Variants in ENDOV observed in about 807,000 individuals in gnomAD.
The protein encoded by ENDOV is endonuclease V, also known as hEndoV.
ENDOV carries 37 observed loss-of-function variants against 39.4 expected under a neutral mutation model. That is an observed-to-expected ratio of 0.94 (90% CI 0.72 to 1.23). ENDOV has a LOEUF of 1.23. Among genes scored for constraint, ENDOV ranks in the 50% most tolerant of loss-of-function variants. The pLI, the probability that ENDOV is intolerant of heterozygous loss-of-function variation, is 0.00. For missense variants in ENDOV, 441 were observed against 375.7 expected, an observed-to-expected ratio of 1.17 and a Z score of -1.44; for synonymous variants, 186 against 163.4, an observed-to-expected ratio of 1.14 and a Z score of -1.05.
chr17:80,433,298 A>T (rs527647184), intron 9 of ENDOV: 5 of 495,166 alleles, frequency 1.0e-5, no homozygotes, highest in Non-Finnish European at 2.0e-5. Context: ...GTAAGGGCTC[A>T]GCAGGGAGCC....
chr17:80,423,203 C>G (rs774485839), intron 4 of ENDOV, among the ~76,000 whole-genome samples: 1 of 152,164 alleles, frequency 6.6e-6, no homozygotes, highest in Non-Finnish European at 1.5e-5. Context: ...AGGCCACCGT[C>G]GAGGGAAGAG....
intron 9 of ENDOV, chr17:80,430,268 C>A (rs2083246111): frequency 6.7e-7 from 1 of 1,483,302 alleles, no homozygotes; most frequent in African/African-American, 1.4e-5. Flanking sequence ...GGACTCGGAG[C>A]TGCAGCCTGC....
intron 9 of ENDOV, chr17:80,433,093 A>C: frequency 1.9e-6 from 1 of 519,946 alleles, no homozygotes; most frequent in South Asian, 1.4e-5. Context: ...TGACTTCTAG[A>C]GCTTTCCCTG....
chr17:80,431,677 C>T (rs2145134127), intron 9 of ENDOV, among the ~76,000 whole-genome samples: 1 of 152,334 alleles, frequency 6.6e-6, no homozygotes, highest in East Asian at 1.9e-4. Flanking sequence ...CAGCCCTGGG[C>T]ACTTGGGCCT....
intron 9 of ENDOV, among the ~76,000 whole-genome samples, chr17:80,434,162 G>A (rs1379107712): frequency 6.6e-6 from 1 of 152,066 alleles, no homozygotes; most frequent in South Asian, 2.1e-4. Context: ...GTGTGTCTCT[G>A]GACAGGCCTG....
intron 9 of ENDOV, among the ~76,000 whole-genome samples, chr17:80,430,677 A>C (rs2049619193): frequency 6.6e-6 from 1 of 152,204 alleles, no homozygotes; most frequent in African/African-American, 2.4e-5. Context: ...GCTGTGGGGC[A>C]GGAGGCCAGA....
In ENDOV at chr17:80,421,933, C is replaced by G. The variant is rs549246635; in HGVS notation, c.334C>G (p.Arg112Gly). The part of the protein sequence containing the change: ...PFLLELVQQL[R>G]EKEPGLMPQV... Reference sequence around the variant, plus strand: ...CTTGCTGGAGCTGGTGCAGCAGCTGCGGGAGAAGGAGCCGGGCCTCATGCC... The same window carrying G: ...CTTGCTGGAGCTGGTGCAGCAGCTGGGGGAGAAGGAGCCGGGCCTCATGCC... The change falls in exon 3 of 10, where the codon CGG becomes GGG. Residue 112 changes from arginine to glycine, a missense_variant. Physicochemically the swap from Arg to Gly is moderately radical, Grantham distance 125. Coordinates refer to ENST00000518137, the MANE Select transcript of ENDOV (RefSeq NM_173627.5). 6.2e-7 allele frequency: 1 copy of G among 1,610,952 alleles called. No individual in the cohort carries two copies. Among genetic ancestry groups the G allele is most frequent in the South Asian group, 1.1e-5 (1 of 90,782 alleles).
At chr17:80,432,077 C>T (rs868373950) in intron 9 of ENDOV, among the ~76,000 whole-genome samples, 27 of 152,190 alleles carry the variant, frequency 1.8e-4, no homozygotes, top group Middle Eastern at 6.8e-3. Flanking sequence ...GTCTGGTGGG[C>T]GCTGAAGGTC....
chr17:80,427,747 G>T lies in ENDOV; in HGVS notation c.715-849G>T, dbSNP rs886078004. 1.0e-5 allele frequency: 13 copies of T among 1,289,230 alleles called. No individual in the cohort carries two copies. In the East Asian group the frequency reaches 3.9e-4, roughly 38 times the overall value. The allele number at this position is 1,289,230 out of a possible 1,614,324, so 79.9% of individuals were successfully genotyped here. Reference sequence around the variant, plus strand: ...GTTGGTCTGCTCTCTCCCTGGCTCCGCGCCGGGCCGTCTTGGTGGCCCCAT... The same window carrying T: ...GTTGGTCTGCTCTCTCCCTGGCTCCTCGCCGGGCCGTCTTGGTGGCCCCAT... On this transcript the variant is annotated intron_variant, in intron 7 of 9. Coordinates refer to ENST00000518137, the MANE Select transcript of ENDOV (RefSeq NM_173627.5).
intron 2 of ENDOV, chr17:80,419,322 TC>T (rs1046985860): frequency 1.4e-5 from 6 of 441,546 alleles, no homozygotes; most frequent in Admixed American, 3.8e-5. Flanking sequence ...GGCCTGCTTT[TC>T]CCACCGTGAA....
chr17:80,425,692 C>G (rs989585548), intron 7 of ENDOV, 72 bp downstream of exon 7: 6 of 1,531,254 alleles, frequency 3.9e-6, no homozygotes, highest in Non-Finnish European at 4.4e-6. Flanking sequence ...TCAGGGCTCC[C>G]CAGCAGCTCA....
intron 2 of ENDOV, among the ~76,000 whole-genome samples, chr17:80,421,370 A>G (rs2082000191): frequency 1.4e-5 from 2 of 142,384 alleles, no homozygotes; most frequent in Admixed American, 1.4e-4. Context: ...CAGACCAGAT[A>G]CCAGGGAATC....
In ENDOV at chr17:80,420,107, G is replaced by T. The variant is rs151040735; in HGVS notation, c.229-1721G>T. 227 of 196,954 alleles carry T rather than the reference G, an allele frequency of 1.2e-3. 1 individual carries two copies. The highest frequency in any genetic ancestry group is 5.1e-3 in the African/African-American group (222 of 43,648). 12.2% of individuals were successfully genotyped at this position (196,954 alleles called of 1,614,324 possible). ...TCGCGCACATGCGCTCTTTGTGTGC[G>T]TGTGTACCGTACATCCCAGCGACTG... On this transcript the variant is annotated intron_variant, in intron 2 of 9. Transcript: ENST00000518137.
intron 9 of ENDOV, among the ~76,000 whole-genome samples, chr17:80,434,695 C>T (rs2083503524): frequency 6.6e-6 from 1 of 152,172 alleles, no homozygotes; most frequent in Admixed American, 6.5e-5. Flanking sequence ...CCTGTAATCC[C>T]AGCACTTTGG....
At chr17:80,422,707 CTTTT>C (rs879874965) in intron 4 of ENDOV, among the ~76,000 whole-genome samples, 1 of 149,612 alleles carries the variant, frequency 6.7e-6, no homozygotes, top group Admixed American at 6.7e-5. Context: ...GAGATGGGCT[CTTTT>C]TTTTTTGAGA....
At chr17:80,431,985 A>G (rs963285698) in intron 9 of ENDOV, among the ~76,000 whole-genome samples, 1 of 151,946 alleles carries the variant, frequency 6.6e-6, no homozygotes, top group African/African-American at 2.4e-5. Context: ...CTCTAGCTCA[A>G]GTTGGGAGGG....
At chr17:80,415,509 G>A in intron 1 of ENDOV, 141 bp from the exon 2 acceptor site, 22 of 1,171,526 alleles carry the variant, frequency 1.9e-5, no homozygotes, top group Non-Finnish European at 2.6e-5. Flanking sequence ...TAGGGACTGT[G>A]GCCTCGGCGG....
chr17:80,418,302 C>G (rs975268516), intron 2 of ENDOV: 9 of 152,232 alleles, frequency 5.9e-5, no homozygotes, highest in African/African-American at 2.2e-4. Context: ...GCATTCCCTT[C>G]CCCCTCCAAC....
rs41299822 is a variant in ENDOV, at chr17:80,424,425, C to T, written c.517-607C>T. On this transcript the variant is annotated intron_variant, in intron 5 of 9. Transcript: ENST00000518137. ...AGCACCCATCACTGGGCAGTGGCGG[C>T]ACCTGTGTGGCTGCCAGCCTGGCAC... 1,819 of 398,616 alleles carry T rather than the reference C, an allele frequency of 4.6e-3. 35 individuals are homozygous for T. The highest frequency in any genetic ancestry group is 0.034 in the African/African-American group (1,637 of 48,654). 24.7% of individuals were successfully genotyped at this position (398,616 alleles called of 1,614,324 possible). A position where few individuals can be genotyped will look rare whatever the true frequency, so the allele number is the denominator to read the frequency against.
Sources: allele counts gnomAD v4.1 joint callset (sites outside exome capture counted in the v4.1 genomes callset), GRCh38; gene constraint gnomAD v4.1.1; transcripts MANE v1.5; gene names NCBI Gene and HGNC (gene_info 2026-07-23, HGNC 2026-07-21).